RARB: variants seen among roughly 807,000 people sequenced by gnomAD.
RARB encodes the protein retinoic acid receptor beta.
A neutral mutation model predicts 51.9 loss-of-function variants in RARB; 17 were observed. The ratio of observed to expected loss-of-function variants is 0.33; its 90% CI spans 0.22 to 0.49. The LOEUF (loss-of-function observed/expected upper bound fraction) is 0.49. Among genes scored for constraint, RARB ranks in the 20% least tolerant of loss-of-function variants. The pLI, the probability that RARB is intolerant of heterozygous loss-of-function variation, is 0.99. For synonymous variants in RARB, 215 were observed against 195.4 expected, an observed-to-expected ratio of 1.10 and a Z score of -0.84; for missense variants, 369 against 550.8, an observed-to-expected ratio of 0.67 and a Z score of 3.30.
In RARB at chr3:25,066,199, T is replaced by TA. The variant is rs572231304; in HGVS notation, c.-328+6027dup. On this transcript the variant is annotated intron_variant, in intron 3 of 11. Transcript: ENST00000383772. ...CAGATCATAAACAAATTGCCTTTGA[T>TA]AAAACATGCTTTCAATTTCTCCAAT... Among the ~76,000 whole-genome samples, 21 of 152,314 alleles carry TA rather than the reference T, an allele frequency of 1.4e-4. 1 individual carries two copies. The South Asian group carries it at 4.4e-3, about 32-fold the overall frequency.
At chr3:25,032,962 T>G (rs1697906144) in intron 2 of RARB, among the ~76,000 whole-genome samples, 1 of 152,226 alleles carries the variant, frequency 6.6e-6, no homozygotes, top group African/African-American at 2.4e-5. Flanking sequence ...CAGTACTCAG[T>G]GAAACCCATT....
chr3:24,957,989 T>G (rs891169191), intron 2 of RARB, among the ~76,000 whole-genome samples: 1 of 152,226 alleles, frequency 6.6e-6, no homozygotes, highest in Non-Finnish European at 1.5e-5. Context: ...TTTCTTAGCA[T>G]AATTTAATTG....
At chr3:25,266,128 C>G (rs1703119830) in intron 5 of RARB, among the ~76,000 whole-genome samples, 1 of 152,160 alleles carries the variant, frequency 6.6e-6, no homozygotes. Context: ...TATCTACAAC[C>G]TAATATGTTA....
intron 2 of RARB, among the ~76,000 whole-genome samples, chr3:24,955,532 G>A (rs1695994978): frequency 6.6e-6 from 1 of 152,136 alleles, no homozygotes; most frequent in African/African-American, 2.4e-5. Flanking sequence ...AACAGCGTAG[G>A]GGCCAAGAGA....
intron 5 of RARB, among the ~76,000 whole-genome samples, chr3:25,248,545 A>C (rs1702625943): frequency 6.6e-6 from 1 of 151,718 alleles, no homozygotes; most frequent in African/African-American, 2.4e-5. Flanking sequence ...TGTTTTTTAT[A>C]CTTTTGTGAG....
intron 5 of RARB, among the ~76,000 whole-genome samples, chr3:25,322,879 T>C (rs1704611977): frequency 6.6e-6 from 1 of 152,212 alleles, no homozygotes; most frequent in Non-Finnish European, 1.5e-5. Context: ...TCTATTGCTG[T>C]ATAACAAACC....
At chr3:25,350,257 C>T (rs1260887478) in intron 5 of RARB, among the ~76,000 whole-genome samples, 1 of 152,144 alleles carries the variant, frequency 6.6e-6, no homozygotes, top group African/African-American at 2.4e-5. Context: ...ACCAAAGCAA[C>T]CGCCTACTGA....
In RARB at chr3:25,048,752, C is replaced by CTTTTTT. The variant is rs34598308; in HGVS notation, c.-379-11357_-379-11352dup. 1.6e-4 allele frequency among the ~76,000 whole-genome samples: 17 copies of CTTTTTT among 108,392 alleles called. 1 individual carries two copies. Among genetic ancestry groups the CTTTTTT allele is most frequent in the African/African-American group, 3.3e-4 (9 of 27,562 alleles). 71.1% of individuals were successfully genotyped at this position (108,392 alleles called of 152,430 possible). A position where few individuals can be genotyped will look rare whatever the true frequency, so the allele number is the denominator to read the frequency against. ...TCTGCAGAGAAAGAAATTAAGCCCA[C>CTTTTTT]TTTTTTTTTTTTTTTTTTTTTGAGA... On this transcript the variant is annotated intron_variant, in intron 2 of 11. Coordinates refer to the RARB transcript ENST00000383772.
At chr3:25,510,831 C>T (rs1387873851) in intron 3 of RARB, among the ~76,000 whole-genome samples, 1 of 152,164 alleles carries the variant, frequency 6.6e-6, no homozygotes, top group Admixed American at 6.5e-5. Flanking sequence ...AGAAAAATCT[C>T]AGTTTGATGC....
chr3:25,571,990 C>T (rs1216652052), intron 4 of RARB, among the ~76,000 whole-genome samples: 1 of 152,184 alleles, frequency 6.6e-6, no homozygotes, highest in East Asian at 1.9e-4. Flanking sequence ...GAAAGTATGC[C>T]ATTTATTTCT....
At chr3:24,893,853 G>C (rs747048154) in intron 2 of RARB, among the ~76,000 whole-genome samples, 7 of 152,196 alleles carry the variant, frequency 4.6e-5, no homozygotes, top group Non-Finnish European at 7.4e-5. Flanking sequence ...ATGTAATCAT[G>C]TGCATTTTCT....
chr3:24,985,499 A>G (rs1177667044), intron 2 of RARB, among the ~76,000 whole-genome samples: 1 of 152,198 alleles, frequency 6.6e-6, no homozygotes, highest in Non-Finnish European at 1.5e-5. Flanking sequence ...GTAACTTTGC[A>G]CAAAGCAATT....
intron 1 of RARB, among the ~76,000 whole-genome samples, chr3:25,432,812 T>A (rs1229156850): frequency 6.6e-6 from 1 of 152,152 alleles, no homozygotes; most frequent in East Asian, 1.9e-4. Flanking sequence ...ATTTTTTAAA[T>A]CAGTAATTTA....
intron 1 of RARB, among the ~76,000 whole-genome samples, chr3:25,454,806 T>C (rs1006046968): frequency 2.6e-5 from 4 of 152,266 alleles, no homozygotes; most frequent in Non-Finnish European, 4.4e-5. Flanking sequence ...ACTTTCTGTG[T>C]GTTTAAATGA....
At chr3:25,432,045 A>G (rs1481197922) in intron 1 of RARB, among the ~76,000 whole-genome samples, 2 of 152,200 alleles carry the variant, frequency 1.3e-5, no homozygotes, top group Non-Finnish European at 1.5e-5. Context: ...TTTCTAAAGT[A>G]GGACATAATT....
intron 2 of RARB, among the ~76,000 whole-genome samples, chr3:25,005,522 A>G (rs1225510992): frequency 6.6e-6 from 1 of 152,168 alleles, no homozygotes; most frequent in Non-Finnish European, 1.5e-5. Context: ...AGAGGCCTGC[A>G]TAAGTGCCCT....
At chr3:25,006,672 A>G (rs1697278472) in intron 2 of RARB, among the ~76,000 whole-genome samples, 1 of 152,158 alleles carries the variant, frequency 6.6e-6, no homozygotes, top group Non-Finnish European at 1.5e-5. Flanking sequence ...ATGAAGGTCT[A>G]TTACAAACGT....
chr3:25,442,361 C>T (rs2125530732), intron 1 of RARB, among the ~76,000 whole-genome samples: 1 of 152,254 alleles, frequency 6.6e-6, no homozygotes, highest in East Asian at 1.9e-4. Context: ...GTCTCGAACT[C>T]CTGACCTCAT....
chr3:25,538,804 G>A (rs1044477687), intron 3 of RARB, among the ~76,000 whole-genome samples: 7 of 152,224 alleles, frequency 4.6e-5, no homozygotes, highest in African/African-American at 1.7e-4. Flanking sequence ...ATGAGATGCT[G>A]TACAACAGGT....
Sources: allele counts gnomAD v4.1 joint callset (sites outside exome capture counted in the v4.1 genomes callset), GRCh38; gene constraint gnomAD v4.1.1; transcripts MANE v1.5; gene names NCBI Gene and HGNC (gene_info 2026-07-23, HGNC 2026-07-21).